The following FTO variants were observed in gnomAD, a reference collection of about 807,000 sequenced individuals.
FTO encodes FTO alpha-ketoglutarate dependent dioxygenase.
In FTO, 47 loss-of-function variants were observed where a neutral mutation model predicts 63.9. The observed-to-expected ratio is 0.74, with a 90% CI of 0.58 to 0.94. The LOEUF is 0.94. Ranked by LOEUF, FTO falls within the 40% of genes least tolerant of loss-of-function variation. The pLI is 0.00. For synonymous variants in FTO, 207 were observed against 224.4 expected, an observed-to-expected ratio of 0.92 and a Z score of 0.69; for missense variants, 562 against 618.1, an observed-to-expected ratio of 0.91 and a Z score of 0.96.
intron 7 of FTO, among the ~76,000 whole-genome samples, chr16:53,891,795 A>T (rs1341229635): frequency 6.6e-6 from 1 of 152,256 alleles, no homozygotes; most frequent in African/African-American, 2.4e-5. Flanking sequence ...GTGGTGGCAC[A>T]TGCGTTAAGA....
intron 4 of FTO, among the ~76,000 whole-genome samples, chr16:53,847,741 C>T (rs1413451217): frequency 6.7e-6 from 1 of 150,200 alleles, no homozygotes; most frequent in Non-Finnish European, 1.5e-5. Context: ...GCACTCCAGT[C>T]TGGGCAAGAA....
chr16:54,002,183 T>C (rs977032474), intron 8 of FTO, among the ~76,000 whole-genome samples: 4 of 152,206 alleles, frequency 2.6e-5, no homozygotes, highest in Non-Finnish European at 5.9e-5. Flanking sequence ...TATTCTTATT[T>C]TCCACTTAGA....
At chr16:54,093,778 C>T (rs1197164284) in intron 8 of FTO, among the ~76,000 whole-genome samples, 1 of 152,156 alleles carries the variant, frequency 6.6e-6, no homozygotes, top group South Asian at 2.1e-4. Flanking sequence ...GAGCTACTGT[C>T]GTCCTCCACC....
chr16:53,774,315 C>A (rs760111571), intron 1 of FTO, among the ~76,000 whole-genome samples: 3 of 152,094 alleles, frequency 2.0e-5, no homozygotes, highest in Admixed American at 6.6e-5. Flanking sequence ...TCTCAATATA[C>A]CTTTGCTTAT....
intron 5 of FTO, 31 bp from the exon 6 acceptor site, chr16:53,879,813 A>T (rs373863802): frequency 1.9e-6 from 3 of 1,613,312 alleles, no homozygotes; most frequent in African/African-American, 1.3e-5. Flanking sequence ...GATTTTGCCC[A>T]TAATTGTGAT....
intron 6 of FTO, 100 bp downstream of exon 6, chr16:53,880,087 C>T (rs2080782361): frequency 1.2e-6 from 1 of 848,120 alleles, no homozygotes; most frequent in African/African-American, 1.7e-5. Context: ...CTCCATCTCC[C>T]AGGTTCAAGT....
chr16:53,821,126 G>A (rs1172252113), intron 2 of FTO, among the ~76,000 whole-genome samples: 2 of 152,026 alleles, frequency 1.3e-5, no homozygotes, highest in Non-Finnish European at 2.9e-5. Context: ...GTTGAATAAG[G>A]GCAGCAGAAT....
intron 8 of FTO, among the ~76,000 whole-genome samples, chr16:54,067,705 G>T (rs2085766117): frequency 6.6e-6 from 1 of 152,216 alleles, no homozygotes; most frequent in Admixed American, 6.5e-5. Context: ...GAAAGCACCA[G>T]ATTGGAGGGT....
intron 6 of FTO, among the ~76,000 whole-genome samples, chr16:53,882,210 C>T (rs1337311514): frequency 6.6e-6 from 1 of 151,976 alleles, no homozygotes; most frequent in East Asian, 1.9e-4. Flanking sequence ...CTCATGCATC[C>T]TTTCTATAAT....
At chr16:53,827,800 T>C (rs1440838593) in intron 3 of FTO, among the ~76,000 whole-genome samples, 1 of 152,212 alleles carries the variant, frequency 6.6e-6, no homozygotes, top group African/African-American at 2.4e-5. Flanking sequence ...GGAGATCCTC[T>C]GATCTTTAAT....
chr16:53,840,905 A>G (rs540625869), intron 3 of FTO, among the ~76,000 whole-genome samples: 47 of 152,006 alleles, frequency 3.1e-4, no homozygotes, highest in African/African-American at 1.1e-3. Flanking sequence ...ATTTTTAGGC[A>G]AAGTCCTTTT....
intron 7 of FTO, among the ~76,000 whole-genome samples, chr16:53,908,818 G>A (rs2081606533): frequency 6.6e-6 from 1 of 152,194 alleles, no homozygotes; most frequent in Non-Finnish European, 1.5e-5. Flanking sequence ...CATGCTGACT[G>A]AGTTGGAATC....
intron 2 of FTO, among the ~76,000 whole-genome samples, chr16:53,814,487 A>G (rs2078618959): frequency 6.6e-6 from 1 of 152,204 alleles, no homozygotes; most frequent in African/African-American, 2.4e-5. Context: ...TATTTTAGAG[A>G]TGAGGAAACC....
intron 1 of FTO, among the ~76,000 whole-genome samples, chr16:53,787,110 C>CAAAAAAAAAAAAAAAAAAAAA (rs35391915): frequency 1.8e-5 from 1 of 56,172 alleles, no homozygotes; most frequent in East Asian, 7.0e-4. Flanking sequence ...GACTCCTTCT[C>CAAAAAAAAAAAAAAAAAAAAA]AAAAAAAAAA....
chr16:54,068,222 T>A (rs1391005790), intron 8 of FTO, among the ~76,000 whole-genome samples: 1 of 152,194 alleles, frequency 6.6e-6, no homozygotes, highest in Non-Finnish European at 1.5e-5. Context: ...TTGTCTTCCT[T>A]TTTTTCCTTT....
chr16:53,977,399 C>A (rs1238183245), intron 8 of FTO, among the ~76,000 whole-genome samples: 1 of 152,062 alleles, frequency 6.6e-6, no homozygotes, highest in African/African-American at 2.4e-5. Context: ...ATATAATTTT[C>A]TATAGGTGAT....
chr16:53,911,153 G>C, intron 7 of FTO: 1 of 524,954 alleles, frequency 1.9e-6, no homozygotes, highest in South Asian at 2.9e-5. Context: ...GTGCCAGGCA[G>C]TGTTCTCTCA....
At chr16:53,730,491 T>C (rs895112099) in intron 1 of FTO, among the ~76,000 whole-genome samples, 3 of 151,836 alleles carry the variant, frequency 2.0e-5, no homozygotes, top group Non-Finnish European at 2.9e-5. Flanking sequence ...GTTTTCATTA[T>C]TTTAGAAGGC....
intron 8 of FTO, chr16:54,040,123 G>C (rs1331315267): frequency 6.6e-6 from 1 of 152,210 alleles, no homozygotes; most frequent in Admixed American, 6.5e-5. Flanking sequence ...AATAATAACA[G>C]TGCAAAAATT....
Sources: gnomAD v4.1 joint callset for allele counts (sites outside exome capture counted in the v4.1 genomes callset) on GRCh38, gnomAD v4.1.1 for gene constraint, MANE v1.5 for transcripts, NCBI Gene and HGNC (gene_info 2026-07-23, HGNC 2026-07-21) for gene names.